The following SBNO2 variants were observed in gnomAD, a reference collection of about 807,000 sequenced individuals.
SBNO2 encodes the protein protein strawberry notch homolog 2.
A neutral mutation model predicts 146.3 loss-of-function variants in SBNO2; 89 were observed. That is an observed-to-expected ratio of 0.61 (90% CI 0.51 to 0.73). SBNO2 has a LOEUF of 0.73. SBNO2 is among the 30% of genes least tolerant of loss of function. The pLI is 0.00. For missense variants in SBNO2, 2,092 were observed against 2,003.7 expected, an observed-to-expected ratio of 1.04 and a Z score of -0.84; for synonymous variants, 1,147 against 892.6, an observed-to-expected ratio of 1.29 and a Z score of -5.08.
rs567031004 is a variant in SBNO2 at position 1,152,426 on chromosome 19, G to A, written c.93+1758C>T. ...GTTTCCGAGATAGAATTCTTGGATC[G>A]GAACAAGCTCCTGGCGGGTTTCGGG... On this transcript the variant is annotated intron_variant, in intron 2 of 31. Coordinates refer to ENST00000361757, the MANE Select transcript of SBNO2 (RefSeq NM_014963.3). Among the ~76,000 whole-genome samples, 265 of 152,262 alleles carry A rather than the reference G, an allele frequency of 1.7e-3. 1 individual carries two copies. The highest frequency in any genetic ancestry group is 6.0e-3 in the African/African-American group (248 of 41,554).
chr19:1,165,834 C>A (rs2080412188), intron 1 of SBNO2, among the ~76,000 whole-genome samples: 1 of 147,238 alleles, frequency 6.8e-6, no homozygotes, highest in Non-Finnish European at 1.5e-5. Flanking sequence ...ACCCCCAGAC[C>A]CCAGATCCCA....
intron 11 of SBNO2, 119 bp from the exon 12 acceptor site, chr19:1,120,142 A>C: frequency 3.9e-6 from 3 of 769,134 alleles, no homozygotes; most frequent in East Asian, 2.8e-5. Flanking sequence ...GCGGCTGAGA[A>C]CTCCACGAGG....
intron 5 of SBNO2, 50 bp downstream of exon 5, chr19:1,127,554 G>A (rs2079979738): frequency 1.3e-6 from 2 of 1,577,358 alleles, no homozygotes; most frequent in East Asian, 4.5e-5. Flanking sequence ...CCGGGCTGGG[G>A]AGGCCACGCT....
In SBNO2 at chr19:1,127,717, A is replaced by T; in HGVS notation, c.328T>A (p.Ser110Thr). The change falls in exon 5 of 32, where the codon TCC becomes ACC. Residue 110 changes from serine to threonine, a missense_variant. Transcript: ENST00000361757. ...DFSNISIFSS[S>T]VDSLSDIVDT... The stretch of plus-strand genomic sequence containing the variant: ...ACGATGTCCGACAGGGAGTCCACGG[A>T]CGAGGAGAAGATGGAGATGTTGGAG... 1 of 1,613,644 alleles carries T rather than the reference A, an allele frequency of 6.2e-7. No individual in the cohort carries two copies. The highest frequency in any genetic ancestry group is 8.5e-7 in the Non-Finnish European group (1 of 1,179,862).
intron 18 of SBNO2, 81 bp from the exon 19 acceptor site, chr19:1,113,785 G>A (rs1192950657): frequency 1.4e-6 from 2 of 1,387,740 alleles, no homozygotes; most frequent in Admixed American, 3.6e-5. Flanking sequence ...GCCCCTGGAG[G>A]GCAAGGACAA....
In SBNO2 at chr19:1,127,654, G is replaced by C. The variant is rs2079981241; in HGVS notation, c.391C>G (p.Gln131Glu). Residue 131 changes from glutamine to glutamate, a missense_variant, in exon 5 of 32, where the codon CAG (glutamine) becomes GAG (glutamate). Coordinates refer to ENST00000361757, the MANE Select transcript of SBNO2 (RefSeq NM_014963.3). ...TTATCGTCCCAGATGGTGGACACCT[G>C]GTTGAGGCTGTCAGCCGGCAGGAAG... The part of the protein sequence containing the change: ...PDFLPADSLN[Q>E]VSTIWDDNPA... 1 of 1,613,538 alleles carries C rather than the reference G, an allele frequency of 6.2e-7. No individual in the cohort carries two copies. Among genetic ancestry groups the C allele is most frequent in the Admixed American group, 1.7e-5 (1 of 60,006 alleles).
chr19:1,166,152 TCCCAGACTTCAGATC>T (rs2080421293), intron 1 of SBNO2, among the ~76,000 whole-genome samples: 1 of 73,490 alleles, frequency 1.4e-5, no homozygotes, highest in African/African-American at 5.2e-5. Flanking sequence ...AGACCCCAGA[TCCCAGACTTCAGATC>T]CCCAGACCCC....
chr19:1,112,369 G>T lies in SBNO2; in HGVS notation c.2515+33C>A. 1 of 1,576,366 alleles carries T rather than the reference G, an allele frequency of 6.3e-7. No homozygotes were observed. Among genetic ancestry groups the T allele is most frequent in the Non-Finnish European group, 8.6e-7 (1 of 1,164,608 alleles). On this transcript the variant is annotated intron_variant, in intron 21 of 31. Coordinates refer to ENST00000361757, the MANE Select transcript of SBNO2 (RefSeq NM_014963.3). This position sits in a 1 kb window ranked among gnomAD's most constrained non-coding sequence, Gnocchi z 5.9. ...GGGCCGAGACCATGTTGGGGGCGGG[G>T]CCAGGCAGCGCTGGGGGCGGGGCCG...
chr19:1,122,306 G>T, intron 10 of SBNO2, 24 bp from the exon 11 acceptor site: 1 of 1,543,572 alleles, frequency 6.5e-7, no homozygotes, highest in East Asian at 2.3e-5. Context: ...GAACAGGTGT[G>T]GAATGGGGCC....
intron 3 of SBNO2, 32 bp from the exon 4 acceptor site, chr19:1,147,452 T>TG (rs2080203522): frequency 1.1e-6 from 1 of 904,448 alleles, no homozygotes; most frequent in Non-Finnish European, 1.6e-6. Flanking sequence ...GGAGGTGAGA[T>TG]GGGGTGCTCA....
intron 1 of SBNO2, among the ~76,000 whole-genome samples, chr19:1,171,685 T>C (rs1026605123): frequency 6.6e-6 from 1 of 151,984 alleles, no homozygotes; most frequent in African/African-American, 2.4e-5. Flanking sequence ...GTGACTCCGC[T>C]GGAGCCGGGT....
Position 1,136,441 on chromosome 19 carries a change from C to CT in SBNO2, c.280-8677dup, listed in dbSNP as rs2080085276. Among the ~76,000 whole-genome samples, 1 of 152,216 alleles carries CT rather than the reference C, an allele frequency of 6.6e-6. No individual in the cohort carries two copies. The highest frequency in any genetic ancestry group is 1.5e-5 in the Non-Finnish European group (1 of 68,018). On this transcript the variant is annotated intron_variant, in intron 4 of 31. Coordinates refer to ENST00000361757, the MANE Select transcript of SBNO2 (RefSeq NM_014963.3). This position sits in a 1 kb window ranked among gnomAD's most constrained non-coding sequence, Gnocchi z 4.2. ...CCGAACCCTGGCGCACAGCTTCCTGCTGAGTCTCCCTCTCTAAGGCTGTCT... is the reference window on the plus strand; with the variant it reads ...CCGAACCCTGGCGCACAGCTTCCTGCTTGAGTCTCCCTCTCTAAGGCTGTCT...
At chr19:1,127,371 C>T (rs1053345913) in intron 5 of SBNO2, among the ~76,000 whole-genome samples, 2 of 152,212 alleles carry the variant, frequency 1.3e-5, no homozygotes, top group Non-Finnish European at 2.9e-5. Flanking sequence ...CCAGGAGCAC[C>T]GCCCAGATGT....
chr19:1,131,813 G>C (rs962536768), intron 4 of SBNO2, among the ~76,000 whole-genome samples: 1 of 152,196 alleles, frequency 6.6e-6, no homozygotes, highest in African/African-American at 2.4e-5. Flanking sequence ...GGCTGAGCCC[G>C]ACCCCCCCAC....
intron 1 of SBNO2, among the ~76,000 whole-genome samples, chr19:1,160,867 T>TA (rs1287072579): frequency 1.3e-5 from 2 of 151,714 alleles, no homozygotes; most frequent in African/African-American, 4.8e-5. Flanking sequence ...TGAATCTCTG[T>TA]AACTCACTAG....
intron 4 of SBNO2, chr19:1,132,156 AG>A: frequency 2.7e-6 from 4 of 1,468,914 alleles, no homozygotes; most frequent in Non-Finnish European, 3.6e-6. Flanking sequence ...TCGGGGGGCC[AG>A]GGGTCCCCCA....
At chr19:1,119,744 G>C (rs2079877572) in intron 12 of SBNO2, 123 bp from the exon 13 acceptor site, 3 of 994,260 alleles carry the variant, frequency 3.0e-6, no homozygotes, top group Admixed American at 2.1e-5. Flanking sequence ...GGCCTGAAGA[G>C]AGCCAGCGTG....
intron 24 of SBNO2, 114 bp downstream of exon 24, chr19:1,111,392 G>A (rs2079758089): frequency 3.8e-6 from 3 of 782,924 alleles, no homozygotes; most frequent in Middle Eastern, 3.5e-4. Context: ...CGTGTGTGGG[G>A]AGGGGTCACT....
chr19:1,122,037 C>T, intron 11 of SBNO2, 102 bp downstream of exon 11: 2 of 876,726 alleles, frequency 2.3e-6, no homozygotes, highest in Non-Finnish European at 3.0e-6. Flanking sequence ...TCCTGCCCTC[C>T]TCTCCCCTGA....
Sources: allele counts gnomAD v4.1 joint callset (sites outside exome capture counted in the v4.1 genomes callset), GRCh38; gene constraint gnomAD v4.1.1; non-coding constraint Gnocchi (gnomAD v3.1); transcripts MANE v1.5; gene names NCBI Gene and HGNC (gene_info 2026-07-23, HGNC 2026-07-21).